PELI1: variants seen among roughly 807,000 people sequenced by gnomAD.
PELI1 encodes the protein E3 ubiquitin-protein ligase pellino homolog 1.
Under a neutral mutation model 41.3 loss-of-function variants are expected in PELI1, and 15 were observed. The ratio of observed to expected loss-of-function variants is 0.36; its 90% CI spans 0.24 to 0.56. The LOEUF (loss-of-function observed/expected upper bound fraction) is 0.56. Ranked by LOEUF, PELI1 falls within the 20% of genes least tolerant of loss-of-function variation. PELI1 has a pLI of 0.82. For synonymous variants in PELI1, 178 were observed against 180.1 expected (o/e 0.99, Z 0.09); for missense variants, 403 against 525.5 (o/e 0.77, Z 2.28).
At chr2:64,098,430 G>A (rs1435429910) in intron 4 of PELI1, among the ~76,000 whole-genome samples, 3 of 152,146 alleles carry the variant, frequency 2.0e-5, no homozygotes, top group Non-Finnish European at 2.9e-5. Flanking sequence ...CAGCTTATTC[G>A]TCAATCTTTC....
At chr2:64,143,550 A>T (rs1214189045) in intron 1 of PELI1, 1 of 152,122 alleles carries the variant, frequency 6.6e-6, no homozygotes, top group African/African-American at 2.4e-5. Context: ...GGGTGAAATT[A>T]ATTAGCGTGT....
At chr2:64,112,876 A>G (rs2103700202) in intron 1 of PELI1, among the ~76,000 whole-genome samples, 1 of 152,288 alleles carries the variant, frequency 6.6e-6, no homozygotes, top group East Asian at 1.9e-4. Context: ...TGATCTTCCC[A>G]AAGGTTTATA....
At chr2:64,101,025 C>T (rs931358344) in intron 3 of PELI1, among the ~76,000 whole-genome samples, 36 of 152,118 alleles carry the variant, frequency 2.4e-4, no homozygotes, top group African/African-American at 7.0e-4. Context: ...CCACTGCGCC[C>T]GGCCCATAAT....
intron 1 of PELI1, among the ~76,000 whole-genome samples, chr2:64,128,392 A>G (rs1475115968): frequency 1.3e-5 from 2 of 152,278 alleles, no homozygotes; most frequent in South Asian, 2.1e-4. Flanking sequence ...AAAAGTAAAT[A>G]AAGTTACACA....
At chr2:64,097,865 C>T (rs1317097547) in intron 4 of PELI1, among the ~76,000 whole-genome samples, 2 of 152,246 alleles carry the variant, frequency 1.3e-5, no homozygotes, top group South Asian at 2.1e-4. Flanking sequence ...TAGAGGGAAA[C>T]TAGTTAACAA....
intron 4 of PELI1, among the ~76,000 whole-genome samples, chr2:64,098,026 C>G (rs1259397772): frequency 1.3e-5 from 2 of 152,092 alleles, no homozygotes; most frequent in Non-Finnish European, 2.9e-5. Context: ...TATTCAGAAT[C>G]AACAGAAGTA....
intron 1 of PELI1, among the ~76,000 whole-genome samples, chr2:64,127,377 A>G (rs1184214047): frequency 6.6e-6 from 1 of 152,264 alleles, no homozygotes; most frequent in East Asian, 1.9e-4. Context: ...TGTCTCTACA[A>G]AAAATGTAAA....
At chr2:64,128,893 A>G (rs1681469348) in intron 1 of PELI1, among the ~76,000 whole-genome samples, 1 of 152,190 alleles carries the variant, frequency 6.6e-6, no homozygotes, top group Non-Finnish European at 1.5e-5. Context: ...CCTTCTTTGA[A>G]GACCTTGACA....
intron 1 of PELI1, among the ~76,000 whole-genome samples, chr2:64,124,503 C>T (rs1463802210): frequency 2.0e-5 from 3 of 152,120 alleles, no homozygotes; most frequent in Non-Finnish European, 4.4e-5. Flanking sequence ...ACTTCTTGGC[C>T]AGAGAAACTG....
chr2:64,109,983 G>A (rs1680750978), intron 1 of PELI1, among the ~76,000 whole-genome samples: 1 of 152,130 alleles, frequency 6.6e-6, no homozygotes, highest in East Asian at 1.9e-4. Flanking sequence ...AGTGGCTCAC[G>A]CCTGTAATTC....
At chr2:64,120,885 T>C (rs1391110256) in intron 1 of PELI1, among the ~76,000 whole-genome samples, 1 of 152,232 alleles carries the variant, frequency 6.6e-6, no homozygotes, top group Non-Finnish European at 1.5e-5. Context: ...TGGTTCACAG[T>C]AAGGCTATCA....
At chr2:64,114,135 A>T (rs190580844) in intron 1 of PELI1, among the ~76,000 whole-genome samples, 1 of 151,990 alleles carries the variant, frequency 6.6e-6, no homozygotes, top group Non-Finnish European at 1.5e-5. Context: ...ATGTTATAAC[A>T]TTTTTTTATG....
At chr2:64,125,755 T>C (rs1681362443) in intron 1 of PELI1, among the ~76,000 whole-genome samples, 2 of 152,228 alleles carry the variant, frequency 1.3e-5, no homozygotes, top group African/African-American at 2.4e-5. Flanking sequence ...CCTAGATTAG[T>C]ACAGGTTGAA....
At chr2:64,136,894 T>A (rs537250209) in intron 1 of PELI1, among the ~76,000 whole-genome samples, 1 of 152,300 alleles carries the variant, frequency 6.6e-6, no homozygotes, top group East Asian at 1.9e-4. Flanking sequence ...AGAGCAAGGC[T>A]CTGTCTCAAA....
intron 6 of PELI1, 126 bp downstream of exon 6, chr2:64,095,999 T>C (rs1558470307): frequency 1.4e-6 from 1 of 703,198 alleles, no homozygotes; most frequent in South Asian, 1.8e-5. Flanking sequence ...AGTCAGTGTT[T>C]GATAGACTTA....
chr2:64,127,832 TA>T (rs1400496319), intron 1 of PELI1, among the ~76,000 whole-genome samples: 1 of 152,210 alleles, frequency 6.6e-6, no homozygotes, highest in African/African-American at 2.4e-5. Context: ...ACCACACTGT[TA>T]GGACTGACCA....
chr2:64,117,805 T>C (rs1303713097), intron 1 of PELI1, among the ~76,000 whole-genome samples: 1 of 152,078 alleles, frequency 6.6e-6, no homozygotes, highest in Non-Finnish European at 1.5e-5. Flanking sequence ...TCATAATGTT[T>C]TCCCAATAAT....
At chr2:64,117,030 T>C (rs1002214864) in intron 1 of PELI1, among the ~76,000 whole-genome samples, 4 of 152,252 alleles carry the variant, frequency 2.6e-5, no homozygotes, top group African/African-American at 9.6e-5. Context: ...GTACACTTAA[T>C]TGATAAATGC....
At chr2:64,124,615 G>A (rs1681328547) in intron 1 of PELI1, among the ~76,000 whole-genome samples, 1 of 152,334 alleles carries the variant, frequency 6.6e-6, no homozygotes, top group South Asian at 2.1e-4. Context: ...TTATGAAATT[G>A]ACACTTAGGT....
Sources: allele counts gnomAD v4.1 joint callset (sites outside exome capture counted in the v4.1 genomes callset), GRCh38; gene constraint gnomAD v4.1.1; transcripts MANE v1.5; gene names NCBI Gene and HGNC (gene_info 2026-07-23, HGNC 2026-07-21).